The following RIMS1 variants were observed in gnomAD, a reference collection of about 807,000 sequenced individuals.
RIMS1 encodes regulating synaptic membrane exocytosis 1, also known as regulating synaptic membrane exocytosis protein 1.
A neutral mutation model predicts 214.1 loss-of-function variants in RIMS1; 83 were observed. That is an observed-to-expected ratio of 0.39 (90% CI 0.32 to 0.47). The LOEUF (loss-of-function observed/expected upper bound fraction) is 0.47, where lower values mean the gene tolerates loss of function less well. RIMS1 is among the 20% of genes least tolerant of loss of function. The pLI, the probability that RIMS1 is intolerant of heterozygous loss-of-function variation, is 0.99. For missense variants in RIMS1, 2,050 were observed against 2,161.8 expected (o/e 0.95, Z 1.03); for synonymous variants, 793 against 786.8 (o/e 1.01, Z -0.13).
chr6:72,369,485 G>A (rs1206266209), intron 29 of RIMS1, among the ~76,000 whole-genome samples: 1 of 152,140 alleles, frequency 6.6e-6, no homozygotes, highest in Non-Finnish European at 1.5e-5. Context: ...CAAGTCTCTA[G>A]GGCAGGTCAT....
intron 16 of RIMS1, among the ~76,000 whole-genome samples, chr6:72,254,821 C>T (rs1319639936): frequency 1.3e-5 from 2 of 152,142 alleles, no homozygotes; most frequent in East Asian, 3.8e-4. Flanking sequence ...TCTAAATATA[C>T]TTATATTCCA....
chr6:72,056,788 T>C (rs537124646), intron 2 of RIMS1, among the ~76,000 whole-genome samples: 4 of 152,220 alleles, frequency 2.6e-5, no homozygotes, highest in Admixed American at 1.3e-4. Context: ...AAGTTAAACA[T>C]AATAGAAAAT....
intron 6 of RIMS1, among the ~76,000 whole-genome samples, chr6:72,197,914 A>G (rs753452170): frequency 6.6e-6 from 1 of 152,112 alleles, no homozygotes; most frequent in African/African-American, 2.4e-5. Context: ...GGAAAAATGT[A>G]TAAGCTTTTG....
chr6:72,093,704 T>A (rs573406332), intron 2 of RIMS1, among the ~76,000 whole-genome samples: 27 of 152,130 alleles, frequency 1.8e-4, no homozygotes, highest in Admixed American at 2.6e-4. Context: ...AATGTTCTGC[T>A]TTGTCTATGT....
At chr6:71,917,708 A>G (rs911893950) in intron 1 of RIMS1, among the ~76,000 whole-genome samples, 2 of 152,190 alleles carry the variant, frequency 1.3e-5, no homozygotes, top group African/African-American at 4.8e-5. Context: ...TTAAGAGACC[A>G]TTCAGTAGTT....
Position 72,245,805 on chromosome 6 carries a change from T to C in RIMS1, c.2082-10T>C. On this transcript the variant is annotated splice_polypyrimidine_tract_variant and intron_variant, in intron 10 of 33. Transcript: ENST00000521978. ...CTAATGGGATTTTCACCATATCCTG[T>C]TTCTTTTAGTGACATTCCCCGGATT... 1 of 1,605,634 alleles carries C rather than the reference T, an allele frequency of 6.2e-7. No homozygotes were observed. Among genetic ancestry groups the C allele is most frequent in the Non-Finnish European group, 8.5e-7 (1 of 1,172,502 alleles).
At chr6:72,393,574 A>C (rs113897968) in intron 31 of RIMS1, among the ~76,000 whole-genome samples, 5,539 of 152,008 alleles carry the variant, frequency 0.036, 368 homozygotes, top group African/African-American at 0.12. Context: ...AAATACAAAA[A>C]AAATTAGCCG....
chr6:72,367,874 A>C (rs2098087571), intron 29 of RIMS1, among the ~76,000 whole-genome samples: 1 of 152,176 alleles, frequency 6.6e-6, no homozygotes, highest in African/African-American at 2.4e-5. Flanking sequence ...AGTCATCTAC[A>C]TGTTGCTTGT....
rs375552809 is a variant in RIMS1, at chr6:72,244,455, C to G, written c.2082-1360C>G. Among the ~76,000 whole-genome samples, 7 of 151,862 alleles carry G rather than the reference C, an allele frequency of 4.6e-5. No homozygotes were observed. In the South Asian group the frequency reaches 6.2e-4, roughly 13 times the overall value. On this transcript the variant is annotated intron_variant, in intron 10 of 33. Coordinates refer to ENST00000521978, the MANE Select transcript of RIMS1 (RefSeq NM_014989.7). The stretch of plus-strand genomic sequence containing the variant: ...GGCATGTAAATTCCAAAGTTTGTAC[C>G]TGGCTTTAGAACTTCAAATTCTGAT...
intron 26 of RIMS1, among the ~76,000 whole-genome samples, chr6:72,304,195 C>G (rs1388571511): frequency 6.6e-6 from 1 of 151,608 alleles, no homozygotes; most frequent in Non-Finnish European, 1.5e-5. Context: ...GTTTACAATA[C>G]TATTAACATT....
intron 1 of RIMS1, among the ~76,000 whole-genome samples, chr6:71,940,119 C>T (rs1301757479): frequency 6.6e-6 from 1 of 152,136 alleles, no homozygotes; most frequent in Non-Finnish European, 1.5e-5. Flanking sequence ...TTATAATGAT[C>T]ATTCTTATTA....
chr6:72,210,992 A>G (rs1421788484), intron 6 of RIMS1, among the ~76,000 whole-genome samples: 1 of 152,208 alleles, frequency 6.6e-6, no homozygotes, highest in African/African-American at 2.4e-5. Flanking sequence ...GGGAAGTGCT[A>G]AACAATAAAA....
At chr6:72,144,028 A>G (rs2042395836) in intron 4 of RIMS1, among the ~76,000 whole-genome samples, 1 of 152,200 alleles carries the variant, frequency 6.6e-6, no homozygotes, top group Non-Finnish European at 1.5e-5. Context: ...GGATAAAATT[A>G]TTGCATGAAA....
At chr6:72,281,830 G>T (rs1049043937) in intron 23 of RIMS1, among the ~76,000 whole-genome samples, 3 of 151,756 alleles carry the variant, frequency 2.0e-5, no homozygotes, top group Non-Finnish European at 4.4e-5. Context: ...TCTTACCCTG[G>T]TTTACTTTTG....
chr6:71,922,024 T>A (rs1180647534), intron 1 of RIMS1, among the ~76,000 whole-genome samples: 4 of 152,212 alleles, frequency 2.6e-5, no homozygotes, highest in African/African-American at 9.6e-5. Flanking sequence ...TCCAGTGGCA[T>A]ACATATGTAT....
At chr6:72,346,334 A>G (rs575656459) in intron 29 of RIMS1, among the ~76,000 whole-genome samples, 259 of 151,976 alleles carry the variant, frequency 1.7e-3, no homozygotes, top group Non-Finnish European at 2.2e-3. Flanking sequence ...ACATGTAGTT[A>G]ATAGAATACA....
intron 4 of RIMS1, among the ~76,000 whole-genome samples, chr6:72,106,045 C>T (rs952520053): frequency 3.9e-5 from 6 of 152,106 alleles, no homozygotes; most frequent in African/African-American, 1.2e-4. Flanking sequence ...ATATGTAGAT[C>T]TTAAAAAGTC....
intron 22 of RIMS1, among the ~76,000 whole-genome samples, chr6:72,269,115 T>A (rs551095811): frequency 2.2e-4 from 34 of 152,248 alleles, no homozygotes; most frequent in African/African-American, 8.2e-4. Context: ...TATGAAAGGG[T>A]AGTTTAAACT....
chr6:72,076,292 G>T (rs1262731536), intron 2 of RIMS1, among the ~76,000 whole-genome samples: 1 of 152,116 alleles, frequency 6.6e-6, no homozygotes. Context: ...AATACCATTG[G>T]CTGGGTGGCT....
Sources: allele counts gnomAD v4.1 joint callset (sites outside exome capture counted in the v4.1 genomes callset), GRCh38; gene constraint gnomAD v4.1.1; transcripts MANE v1.5; gene names NCBI Gene and HGNC (gene_info 2026-07-23, HGNC 2026-07-21).